DDX17: variants seen among roughly 807,000 people sequenced by gnomAD.
DDX17 encodes the protein probable ATP-dependent RNA helicase DDX17.
DDX17 carries 10 observed loss-of-function variants against 80.8 expected under a neutral mutation model. That is an observed-to-expected ratio of 0.12 (90% CI 0.08 to 0.21). The LOEUF is 0.21. Ranked by LOEUF, DDX17 falls within the 10% of genes least tolerant of loss-of-function variation. The probability of loss-of-function intolerance (pLI) is 1.00; values close to 1 mark genes in which losing one functional copy is unlikely to be tolerated. For synonymous variants in DDX17, 339 were observed against 336.2 expected (o/e 1.01, Z -0.09); for missense variants, 586 against 957.4 (o/e 0.61, Z 5.12).
At chr22:38,499,959 G>A (rs1313883757) in intron 2 of DDX17, among the ~76,000 whole-genome samples, 2 of 151,416 alleles carry the variant, frequency 1.3e-5, no homozygotes, top group African/African-American at 2.4e-5. Flanking sequence ...GAGGTCAGGA[G>A]TTTGAGACCA....
At chr22:38,490,579 A>G in intron 11 of DDX17, 10 of 642,120 alleles carry the variant, frequency 1.6e-5, no homozygotes, top group Non-Finnish European at 2.3e-5. Flanking sequence ...TATGGGAATC[A>G]AAGAACTTAC....
chr22:38,502,411 CAAAA>C (rs138458), intron 1 of DDX17, among the ~76,000 whole-genome samples: 5 of 125,982 alleles, frequency 4.0e-5, no homozygotes, highest in Non-Finnish European at 4.9e-5. Context: ...GAGGGTCCGT[CAAAA>C]AAAAAAAAAA....
chr22:38,483,906 G>C lies in DDX17; in HGVS notation c.*2029C>G, dbSNP rs1473584608. 2 of 152,168 alleles carry C rather than the reference G, an allele frequency of 1.3e-5. No homozygotes were observed. The highest frequency in any genetic ancestry group is 2.9e-5 in the Non-Finnish European group (2 of 68,044). The allele number at this position is 152,168 out of a possible 1,614,324, so 9.4% of individuals were successfully genotyped here. A position where few individuals can be genotyped will look rare whatever the true frequency, so the allele number is the denominator to read the frequency against. On this transcript the variant is annotated 3_prime_UTR_variant, in exon 13 of 13. Transcript: ENST00000403230. ...GTGCTCAGGCCATAATAGTTTTTGAGGTTTGGAATTTACTGTTATTTTATG... is the reference window on the plus strand; with the variant it reads ...GTGCTCAGGCCATAATAGTTTTTGACGTTTGGAATTTACTGTTATTTTATG...
chr22:38,499,033 C>A (rs1569141837), intron 3 of DDX17, among the ~76,000 whole-genome samples: 1 of 152,074 alleles, frequency 6.6e-6, no homozygotes, highest in Admixed American at 6.6e-5. Context: ...CAAACAAAAG[C>A]TGCTACAATA....
At position 38,489,651 on chromosome 22, in the gene DDX17, G is replaced by T. The variant is rs1307956908; in HGVS notation, c.1448-1536C>A. On this transcript the variant is annotated intron_variant, in intron 11 of 12. Coordinates refer to ENST00000403230, the MANE Select transcript of DDX17 (RefSeq NM_006386.5). The surrounding 1 kb of genome is among the most constrained non-coding windows in gnomAD (Gnocchi z 4.6). ...AAAAAAAAATTAGCTGTTGTTACAG[G>T]GCTTGTGAAGAAGGGGCATTATGTC... The T allele has an allele frequency of 2.0e-6, 2 of 985,188 alleles. No homozygotes were observed. The highest frequency in any genetic ancestry group is 3.5e-5 in the African/African-American group (2 of 57,178). The allele number at this position is 985,188 out of a possible 1,614,324, so 61.0% of individuals were successfully genotyped here.
intron 5 of DDX17, among the ~76,000 whole-genome samples, chr22:38,497,833 T>C (rs1019314542): frequency 6.6e-6 from 1 of 152,114 alleles, no homozygotes; most frequent in Non-Finnish European, 1.5e-5. Flanking sequence ...CTTGATTTAC[T>C]GCACAGTAAA....
intron 11 of DDX17, chr22:38,488,853 A>G: frequency 1.0e-6 from 1 of 985,348 alleles, no homozygotes; most frequent in Non-Finnish European, 1.2e-6. Flanking sequence ...ATTTTTGCTC[A>G]ACTCAAGGTT....
Position 38,499,404 on chromosome 22 carries a change from G to A in DDX17, c.534C>T (p.Phe178=), listed in dbSNP as rs1292502554. The A allele has an allele frequency of 1.9e-6, 3 of 1,612,218 alleles. No homozygotes were observed. The highest frequency in any genetic ancestry group is 2.5e-6 in the Non-Finnish European group (3 of 1,178,386). Residue 178 remains phenylalanine, a synonymous_variant, in exon 3 of 13, where the codon TTC becomes TTT. Coordinates refer to ENST00000403230, the MANE Select transcript of DDX17 (RefSeq NM_006386.5). Reference sequence around the variant, plus strand: ...TCTAGATTGAAGAACACTTACGTGGGAAGTTAGCATGATGGAAGGCAAACA... The same window carrying A: ...TCTAGATTGAAGAACACTTACGTGGAAAGTTAGCATGATGGAAGGCAAACA...
Position 38,495,931 on chromosome 22 carries a change from C to G in DDX17, c.745G>C (p.Val249Leu). The G allele has an allele frequency of 6.5e-7, 1 of 1,546,178 alleles. No individual in the cohort carries two copies. The highest frequency in any genetic ancestry group is 1.2e-5 in the South Asian group (1 of 82,360). The change falls in exon 6 of 13, where the codon GTT (valine) becomes CTT (leucine). Residue 249 changes from valine (V) to leucine (L), a missense_variant. By Grantham distance (32) the Val-to-Leu change is conservative (BLOSUM62 1). This residue lies in a region of DDX17 where 141 missense variants were observed against 379.3 expected (regional missense o/e 0.37). Coordinates refer to ENST00000403230, the MANE Select transcript of DDX17 (RefSeq NM_006386.5). ...GCAAGCTCTCTGGTAGGAGCCAGAA[C>G]TAGACACTGAAACCAACAAAAAGAC...
intron 1 of DDX17, 22 bp downstream of exon 1, chr22:38,505,929 T>G: frequency 6.7e-7 from 1 of 1,484,064 alleles, no homozygotes; most frequent in Non-Finnish European, 9.1e-7. Flanking sequence ...GCCAGGCCTC[T>G]CCTCTCCTCC....
intron 11 of DDX17, chr22:38,488,392 A>G: frequency 1.5e-6 from 2 of 1,314,580 alleles, no homozygotes; most frequent in Admixed American, 3.2e-5. Context: ...TGCCTCTGCT[A>G]CATTTTACCA....
In DDX17 at chr22:38,489,036, T is replaced by C. The variant is rs1394390652; in HGVS notation, c.1448-921A>G. On this transcript the variant is annotated intron_variant, in intron 11 of 12. Transcript: ENST00000403230. The surrounding 1 kb of genome is among the most constrained non-coding windows in gnomAD (Gnocchi z 4.6). ...CTCCTAAGGCTTAAAATGTAAATGT[T>C]AGTGTAATGCTTTCAGCTGAATGTA... 2.0e-6 allele frequency: 2 copies of C among 984,626 alleles called. No individual in the cohort carries two copies. The highest frequency in any genetic ancestry group is 4.7e-5 in the South Asian group (1 of 21,284). 61.0% of individuals were successfully genotyped at this position (984,626 alleles called of 1,614,324 possible).
Position 38,499,484 on chromosome 22 carries a change from G to A in DDX17, c.454C>T (p.Leu152=). The A allele has an allele frequency of 3.1e-6, 5 of 1,612,942 alleles. No individual in the cohort carries two copies. Among genetic ancestry groups the A allele is most frequent in the Non-Finnish European group, 4.2e-6 (5 of 1,179,346 alleles). Residue 152 remains leucine (L), a synonymous_variant, in exon 3 of 13, where the codon CTA becomes TTA. Transcript: ENST00000403230. ...ACTGTAATCTCCTTCTTTCGGCGTA[G>A]CTCATCAACCTCATACTATTGAAAA... is the stretch of plus-strand genomic sequence containing the variant.
chr22:38,499,530 A>G, intron 2 of DDX17, 31 bp from the exon 3 acceptor site: 2 of 1,507,912 alleles, frequency 1.3e-6, no homozygotes, highest in Non-Finnish European at 1.8e-6. Context: ...AAGTTAGTAA[A>G]CTAGTTATTC....
In DDX17 at chr22:38,489,276, C is replaced by T; in HGVS notation, c.1448-1161G>A. On this transcript the variant is annotated intron_variant, in intron 11 of 12. Transcript: ENST00000403230. The surrounding 1 kb of genome is among the most constrained non-coding windows in gnomAD (Gnocchi z 4.6). ...GGGAAACCGCTGCAGCCGATCCCGT[C>T]TCTTTGCCTTTTATTTTTGGCGGCC... The T allele has an allele frequency of 1.0e-6, 1 of 985,860 alleles. No homozygotes were observed. Among genetic ancestry groups the T allele is most frequent in the Non-Finnish European group, 1.2e-6 (1 of 829,936 alleles). The allele number at this position is 985,860 out of a possible 1,614,324, so 61.1% of individuals were successfully genotyped here.
chr22:38,501,753 T>C (rs147893699), intron 1 of DDX17, among the ~76,000 whole-genome samples: 40 of 152,372 alleles, frequency 2.6e-4, no homozygotes, highest in Admixed American at 5.9e-4. Context: ...TCAGTACAAG[T>C]TAGCATCATT....
chr22:38,502,841 T>C (rs2089844019), intron 1 of DDX17, among the ~76,000 whole-genome samples: 1 of 152,240 alleles, frequency 6.6e-6, no homozygotes, highest in Admixed American at 6.5e-5. Context: ...TTTCCCACTC[T>C]AACCCACTTG....
chr22:38,492,999 A>G (rs1422111165), intron 10 of DDX17, among the ~76,000 whole-genome samples: 1 of 152,214 alleles, frequency 6.6e-6, no homozygotes, highest in Non-Finnish European at 1.5e-5. Context: ...TTATTAATAA[A>G]GGGAGGGTGG....
Position 38,506,093 on chromosome 22 carries a change from G to A in DDX17, c.145C>T (p.Pro49Ser). The stretch of plus-strand genomic sequence containing the variant: ...GGTCTGGTGACGACCGATGGCGGCG[G>A]CGCCTCCGCTGTTGGGGCGGCGGCA... The change falls in exon 1 of 13, where the codon CCG becomes TCG. Residue 49 changes from proline to serine, a missense_variant. Physicochemically the swap from Pro to Ser is moderately conservative, Grantham distance 74. Transcript: ENST00000403230. 1 of 1,577,718 alleles carries A rather than the reference G, an allele frequency of 6.3e-7. No homozygotes were observed.
Sources: gnomAD v4.1 joint callset for allele counts (sites outside exome capture counted in the v4.1 genomes callset) on GRCh38, gnomAD v4.1.1 for gene constraint, gnomAD v4.1.1 regional missense constraint, Gnocchi (gnomAD v3.1) non-coding constraint, MANE v1.5 for transcripts, NCBI Gene and HGNC (gene_info 2026-07-23, HGNC 2026-07-21) for gene names.